PCYOX1L: variants seen among roughly 807,000 people sequenced by gnomAD.
PCYOX1L encodes prenylcysteine oxidase 1 like.
Under a neutral mutation model 44.1 loss-of-function variants are expected in PCYOX1L, and 40 were observed. The ratio of observed to expected loss-of-function variants is 0.91; its 90% CI spans 0.70 to 1.18. The LOEUF (loss-of-function observed/expected upper bound fraction) is 1.18, where lower values mean the gene tolerates loss of function less well. Ranked by LOEUF, PCYOX1L falls within the 50% of genes most tolerant of loss-of-function variation. The probability of loss-of-function intolerance (pLI) is 0.00; values close to 1 mark genes in which losing one functional copy is unlikely to be tolerated. For synonymous variants in PCYOX1L, 266 were observed against 282.8 expected, an observed-to-expected ratio of 0.94 and a Z score of 0.60; for missense variants, 605 against 653.3, an observed-to-expected ratio of 0.93 and a Z score of 0.81.
At chr5:149,364,597 T>G (rs1438101252) in intron 3 of PCYOX1L, 1 of 183,866 alleles carries the variant, frequency 5.4e-6, no homozygotes, top group Non-Finnish European at 1.2e-5. Flanking sequence ...CAGCCAGCCG[T>G]GTACAATGCC....
intron 1 of PCYOX1L, among the ~76,000 whole-genome samples, chr5:149,358,475 C>G (rs977933099): frequency 6.6e-6 from 1 of 152,168 alleles, no homozygotes; most frequent in South Asian, 2.1e-4. Flanking sequence ...TGACAGAGGA[C>G]AGAGAGGCTG....
Position 149,366,001 on chromosome 5 carries a change from C to G in PCYOX1L, c.530C>G (p.Ser177Ter), listed in dbSNP as rs747501531. Residue 177 changes from serine (S) to a stop codon, truncating the protein, a stop_gained, in exon 4 of 6, where the codon TCA becomes TGA. Transcript: ENST00000274569. LOFTEE classifies it high-confidence loss of function. ...TCGGGTGTGGAGGAGCTGCTCTACTCACTGGGGGAGTCCACCTTTGTTAAC... is the reference window on the plus strand; with the variant it reads ...TCGGGTGTGGAGGAGCTGCTCTACTGACTGGGGGAGTCCACCTTTGTTAAC... ...AFSGVEELLY[S>*]LGESTFVNMT... The G allele has an allele frequency of 2.5e-6, 4 of 1,614,254 alleles. No individual in the cohort carries two copies. The South Asian group carries it at 3.3e-5, about 13-fold the overall frequency.
intron 1 of PCYOX1L, among the ~76,000 whole-genome samples, chr5:149,361,109 G>A (rs574970964): frequency 2.0e-5 from 3 of 152,332 alleles, no homozygotes; most frequent in South Asian, 4.1e-4. Flanking sequence ...TCACAGGACT[G>A]TTTAATGATT....
chr5:149,358,167 G>C lies in PCYOX1L; in HGVS notation c.88+11G>C. On this transcript the variant is annotated intron_variant, in intron 1 of 5. Coordinates refer to ENST00000274569, the MANE Select transcript of PCYOX1L (RefSeq NM_024028.4). ...CGCCGGGCAAAATCGGTGCGGGAAGGACGCGGTGGGGTTCCCAGCTGGGGA... is the reference window on the plus strand; with the variant it reads ...CGCCGGGCAAAATCGGTGCGGGAAGCACGCGGTGGGGTTCCCAGCTGGGGA... The C allele has an allele frequency of 6.9e-7, 1 of 1,442,568 alleles. No individual in the cohort carries two copies. Among genetic ancestry groups the C allele is most frequent in the South Asian group, 1.4e-5 (1 of 73,634 alleles). 89.4% of individuals were successfully genotyped at this position (1,442,568 alleles called of 1,614,324 possible).
chr5:149,362,394 G>A, intron 1 of PCYOX1L: 2 of 532,032 alleles, frequency 3.8e-6, no homozygotes, highest in South Asian at 4.7e-5. Context: ...CTGGTCTTTT[G>A]CTGCAAAATA....
At chr5:149,364,399 C>G in intron 3 of PCYOX1L, 189 bp downstream of exon 3, 2 of 617,060 alleles carry the variant, frequency 3.2e-6, no homozygotes, top group Non-Finnish European at 2.8e-6. Flanking sequence ...AATGGTCTCC[C>G]TAGTATTGTC....
Position 149,367,399 on chromosome 5 carries a change from C to G in PCYOX1L, c.722C>G (p.Ser241Cys). 6.2e-7 allele frequency: 1 copy of G among 1,613,444 alleles called. No homozygotes were observed. The highest frequency in any genetic ancestry group is 8.5e-7 in the Non-Finnish European group (1 of 1,179,728). ...SLAGAQGSLWSVEGGNKLVCS... is the reference protein window; with the variant it reads ...SLAGAQGSLWCVEGGNKLVCS... ...GCCGGGGCCCAAGGCAGCCTGTGGT[C>G]TGTGGAAGGAGGCAATAAGCTGGTT... is the stretch of plus-strand genomic sequence containing the variant. Residue 241 changes from serine to cysteine, a missense_variant, in exon 5 of 6, where the codon TCT (serine) becomes TGT (cysteine). Physicochemically the swap from Ser to Cys is moderately radical, Grantham distance 112 (BLOSUM62 -1). Transcript: ENST00000274569.
In PCYOX1L at chr5:149,367,994, G is replaced by T; in HGVS notation, c.825G>T (p.Glu275Asp). The T allele has an allele frequency of 6.6e-7, 1 of 1,524,084 alleles. No homozygotes were observed. The highest frequency in any genetic ancestry group is 1.3e-5 in the South Asian group (1 of 75,532). 94.4% of individuals were successfully genotyped at this position (1,524,084 alleles called of 1,614,324 possible). A position where few individuals can be genotyped will look rare whatever the true frequency, so the allele number is the denominator to read the frequency against. The change falls in exon 6 of 6, where the codon GAG becomes GAT. Residue 275 changes from glutamate to aspartate, a missense_variant and splice_region_variant. By Grantham distance (45) the Glu-to-Asp change is conservative (BLOSUM62 2). Transcript: ENST00000274569. ...ACTTTTGTGCTCTTTTCTTTCCAGA[G>T]GGGAAAGCCCTGTACCAGGTGGCGT... ...TVTSVTLHST[E>D]GKALYQVAYE...
intron 2 of PCYOX1L, 192 bp downstream of exon 2, chr5:149,363,035 C>A: frequency 1.4e-6 from 1 of 734,968 alleles, no homozygotes; most frequent in Non-Finnish European, 2.4e-6. Context: ...GTTGCAGAGC[C>A]GGGATTAGAA....
Position 149,358,247 on chromosome 5 carries a change from G to A in PCYOX1L, c.88+91G>A, listed in dbSNP as rs116262037. The stretch of plus-strand genomic sequence containing the variant: ...CAGCTAGGTGGGGTATAGGAGGGCG[G>A]CTGGGTGAGGGAGGGGTCCTCGGAA... On this transcript the variant is annotated intron_variant, in intron 1 of 5. Coordinates refer to ENST00000274569, the MANE Select transcript of PCYOX1L (RefSeq NM_024028.4). 5,308 of 1,278,900 alleles carry A rather than the reference G, an allele frequency of 4.2e-3. 140 individuals are homozygous for A. In the African/African-American group the frequency reaches 0.06, roughly 14 times the overall value. The allele number at this position is 1,278,900 out of a possible 1,614,324, so 79.2% of individuals were successfully genotyped here.
At position 149,362,686 on chromosome 5, in the gene PCYOX1L, G is replaced by A. The variant is rs756147755; in HGVS notation, c.138G>A (p.Gln46=). 7 of 1,614,216 alleles carry A rather than the reference G, an allele frequency of 4.3e-6. No homozygotes were observed. The highest frequency in any genetic ancestry group is 5.9e-6 in the Non-Finnish European group (7 of 1,180,044). ...IGGSAVAHFL[Q]QHFGPRVQID... ...GCTCTGCTGTGGCCCATTTTCTCCA[G>A]CAGCACTTTGGACCTCGGGTGCAGA... The change falls in exon 2 of 6, where the codon CAG becomes CAA. Residue 46 remains glutamine, a synonymous_variant. Coordinates refer to ENST00000274569, the MANE Select transcript of PCYOX1L (RefSeq NM_024028.4).
Position 149,362,806 on chromosome 5 carries a change from C to T in PCYOX1L, c.258C>T (p.Ser86=), listed in dbSNP as rs1467628620. ...AGAGCGGGGCTGCCTCCTTCCACTC[C>T]CTGAGCCTGCACATGCAGGACTTCG... ...HYESGAASFH[S]LSLHMQDFVK... is the part of the protein sequence containing the mutation. Residue 86 remains serine, a synonymous_variant, in exon 2 of 6, where the codon TCC becomes TCT. Transcript: ENST00000274569. 1.2e-6 allele frequency: 2 copies of T among 1,613,998 alleles called. No homozygotes were observed. The highest frequency in any genetic ancestry group is 2.7e-5 in the African/African-American group (2 of 74,950).
chr5:149,358,057 T>C lies in PCYOX1L; in HGVS notation c.-12T>C, dbSNP rs2127611618. 7.5e-7 allele frequency: 1 copy of C among 1,331,480 alleles called. No homozygotes were observed. Among genetic ancestry groups the C allele is most frequent in the Non-Finnish European group, 9.6e-7 (1 of 1,046,420 alleles). 82.5% of individuals were successfully genotyped at this position (1,331,480 alleles called of 1,614,324 possible). On this transcript the variant is annotated 5_prime_UTR_variant, in exon 1 of 6. Transcript: ENST00000274569. ...CGCCTGAATCCGGCGTGCTGCCCGC[T>C]CGCCGCCCGCCATGGCCCGCGCAGC...
chr5:149,363,294 A>G, intron 2 of PCYOX1L: 1 of 354,676 alleles, frequency 2.8e-6, no homozygotes, highest in Non-Finnish European at 5.6e-6. Flanking sequence ...CAAACCCAGC[A>G]GCATCTGTCC....
intron 1 of PCYOX1L, among the ~76,000 whole-genome samples, chr5:149,361,477 G>T (rs1182704614): frequency 2.0e-5 from 3 of 152,158 alleles, no homozygotes; most frequent in Admixed American, 1.3e-4. Context: ...AATAGTGATG[G>T]CATGTAAACC....
At chr5:149,361,255 G>A (rs949420739) in intron 1 of PCYOX1L, among the ~76,000 whole-genome samples, 2 of 152,062 alleles carry the variant, frequency 1.3e-5, no homozygotes, top group African/African-American at 4.8e-5. Flanking sequence ...CGAAAAATAT[G>A]TCGGGCATGG....
chr5:149,363,222 G>A (rs1201534177), intron 2 of PCYOX1L: 1 of 370,354 alleles, frequency 2.7e-6, no homozygotes. Context: ...TCCTCTTAAG[G>A]CAACTGAGGC....
chr5:149,363,844 A>C, intron 2 of PCYOX1L, 192 bp from the exon 3 acceptor site: 1 of 590,240 alleles, frequency 1.7e-6, no homozygotes, highest in Non-Finnish European at 2.8e-6. Context: ...ATGTTACATT[A>C]TTTTCATTTT....
intron 3 of PCYOX1L, chr5:149,364,938 T>A (rs1429561789): frequency 2.0e-5 from 3 of 152,460 alleles, no homozygotes; most frequent in African/African-American, 7.2e-5. Context: ...CCAAAGTCCC[T>A]CCTGAAGGTG....
Sources: allele counts gnomAD v4.1 joint callset (sites outside exome capture counted in the v4.1 genomes callset), GRCh38; gene constraint gnomAD v4.1.1; transcripts MANE v1.5; gene names NCBI Gene and HGNC (gene_info 2026-07-23, HGNC 2026-07-21).